The following BCL2L13 variants were observed in gnomAD, a reference collection of about 807,000 sequenced individuals.
The protein encoded by BCL2L13 is BCL2 like 13.
BCL2L13 carries 13 observed loss-of-function variants against 25.8 expected under a neutral mutation model. That is an observed-to-expected ratio of 0.50 (90% confidence interval 0.33 to 0.80). The LOEUF is 0.80. BCL2L13 is among the 30% of genes least tolerant of loss of function. The pLI, the probability that BCL2L13 is intolerant of heterozygous loss-of-function variation, is 0.02. For synonymous variants in BCL2L13, 244 were observed against 230.3 expected (o/e 1.06, Z -0.54); for missense variants, 504 against 574.9 (o/e 0.88, Z 1.26).
At chr22:17,663,507 TTTA>T (rs1459701773) in intron 2 of BCL2L13, among the ~76,000 whole-genome samples, 1 of 152,138 alleles carries the variant, frequency 6.6e-6, no homozygotes, top group Admixed American at 6.6e-5. Flanking sequence ...CTGTTTTTCT[TTTA>T]TTGTTTTCTA....
chr22:17,692,979 C>T (rs1255609565), intron 4 of BCL2L13, among the ~76,000 whole-genome samples: 3 of 151,974 alleles, frequency 2.0e-5, no homozygotes, highest in Non-Finnish European at 4.4e-5. Context: ...AGCACACTGG[C>T]CACGTTTCTA....
chr22:17,728,452 G>C lies in BCL2L13; in HGVS notation c.*918G>C, dbSNP rs1443399400. 6.6e-6 allele frequency: 1 copy of C among 152,214 alleles called. No individual in the cohort carries two copies. Among genetic ancestry groups the C allele is most frequent in the Admixed American group, 6.5e-5 (1 of 15,284 alleles). The allele number at this position is 152,214 out of a possible 1,614,324, so 9.4% of individuals were successfully genotyped here. A position where few individuals can be genotyped will look rare whatever the true frequency, so the allele number is the denominator to read the frequency against. On this transcript the variant is annotated 3_prime_UTR_variant, in exon 7 of 7. Transcript: ENST00000317582. ...AGGAGGATAACCTGGATGACCTTCT[G>C]AGGTCTCTTCAGCCCTTTTCGCTAG...
intron 2 of BCL2L13, among the ~76,000 whole-genome samples, chr22:17,674,357 C>T (rs999870704): frequency 2.6e-5 from 4 of 152,028 alleles, no homozygotes; most frequent in Non-Finnish European, 2.9e-5. Context: ...CAGTGGCTTA[C>T]GCACTTTGGG....
At chr22:17,722,378 G>GCGTGTGTGTGT (rs1491171137) in intron 6 of BCL2L13, among the ~76,000 whole-genome samples, 2,555 of 122,108 alleles carry the variant, frequency 0.021, 68 homozygotes, top group Non-Finnish European at 0.026. Context: ...AGACTACAGG[G>GCGTGTGTGTGT]GTGTGTGTGT....
intron 1 of BCL2L13, among the ~76,000 whole-genome samples, chr22:17,655,018 A>C (rs200490619): frequency 1.3e-5 from 2 of 152,062 alleles, no homozygotes. Context: ...GCCACCATGC[A>C]TTGCCTGTAT....
chr22:17,629,827 A>G (rs1455896831), intron 1 of BCL2L13, among the ~76,000 whole-genome samples: 2 of 151,214 alleles, frequency 1.3e-5, no homozygotes, highest in African/African-American at 4.9e-5. Flanking sequence ...ATACACACAC[A>G]CACACACACA....
intron 6 of BCL2L13, among the ~76,000 whole-genome samples, chr22:17,704,575 A>T (rs1022195462): frequency 3.0e-4 from 45 of 151,902 alleles, no homozygotes; most frequent in African/African-American, 9.9e-4. Flanking sequence ...CAGGAGTTTG[A>T]GACCATCCTG....
chr22:17,677,176 AT>A (rs1268531618), intron 2 of BCL2L13, among the ~76,000 whole-genome samples: 7 of 152,204 alleles, frequency 4.6e-5, no homozygotes, highest in Non-Finnish European at 7.3e-5. Context: ...AAATAAAAAA[AT>A]AAAAGGATTT....
At chr22:17,698,159 G>A (rs1480651423) in intron 5 of BCL2L13, among the ~76,000 whole-genome samples, 5 of 151,830 alleles carry the variant, frequency 3.3e-5, no homozygotes, top group African/African-American at 1.2e-4. Context: ...GTCCAGGCCT[G>A]GAGTGCATTG....
intron 1 of BCL2L13, among the ~76,000 whole-genome samples, chr22:17,653,466 A>C (rs2058752329): frequency 6.8e-6 from 1 of 147,828 alleles, no homozygotes; most frequent in Admixed American, 6.8e-5. Context: ...TCTACTCTTC[A>C]GTCTGTCTTC....
intron 2 of BCL2L13, among the ~76,000 whole-genome samples, chr22:17,665,653 G>A (rs901193766): frequency 6.6e-6 from 1 of 152,118 alleles, no homozygotes; most frequent in African/African-American, 2.4e-5. Context: ...TTTGCACAAT[G>A]TTTTCAAGAT....
chr22:17,705,003 T>C (rs1166634007), intron 6 of BCL2L13, among the ~76,000 whole-genome samples: 1 of 147,058 alleles, frequency 6.8e-6, no homozygotes, highest in East Asian at 2.0e-4. Flanking sequence ...AAAAAAAAAG[T>C]ATAGGAGAAA....
intron 6 of BCL2L13, among the ~76,000 whole-genome samples, chr22:17,724,042 G>A (rs2061228550): frequency 6.6e-6 from 1 of 152,198 alleles, no homozygotes; most frequent in South Asian, 2.1e-4. Flanking sequence ...GGACACTGAG[G>A]TGGGAGAATT....
chr22:17,657,027 C>T (rs953966265), intron 2 of BCL2L13, among the ~76,000 whole-genome samples: 1 of 152,136 alleles, frequency 6.6e-6, no homozygotes, highest in African/African-American at 2.4e-5. Flanking sequence ...CCCTGTTTCC[C>T]AGGCTGATCT....
At chr22:17,698,111 T>C (rs2060319255) in intron 5 of BCL2L13, among the ~76,000 whole-genome samples, 1 of 151,360 alleles carries the variant, frequency 6.6e-6, no homozygotes, top group South Asian at 2.1e-4. Flanking sequence ...CCACTGTGCC[T>C]GGCCTTTTTT....
At chr22:17,669,811 C>T (rs2059359339) in intron 2 of BCL2L13, among the ~76,000 whole-genome samples, 2 of 152,182 alleles carry the variant, frequency 1.3e-5, no homozygotes, top group Admixed American at 6.6e-5. Flanking sequence ...TCAGCCCCCT[C>T]GCCATGTAAT....
At chr22:17,719,384 C>T (rs5992804) in intron 6 of BCL2L13, among the ~76,000 whole-genome samples, 14,121 of 151,874 alleles carry the variant, frequency 0.093, 768 homozygotes, top group Non-Finnish European at 0.11. Flanking sequence ...AATAATTTGA[C>T]GTAAAATTAC....
intron 1 of BCL2L13, among the ~76,000 whole-genome samples, chr22:17,655,226 A>G (rs992575147): frequency 6.6e-6 from 1 of 151,520 alleles, no homozygotes; most frequent in African/African-American, 2.4e-5. Context: ...ACACCCATGG[A>G]GTTGACATTT....
At chr22:17,643,995 G>A (rs1263541223) in intron 1 of BCL2L13, among the ~76,000 whole-genome samples, 8 of 151,302 alleles carry the variant, frequency 5.3e-5, no homozygotes, top group African/African-American at 1.5e-4. Flanking sequence ...TGCAAACTCC[G>A]CTTCCTGGGC....
Sources: allele counts gnomAD v4.1 joint callset (sites outside exome capture counted in the v4.1 genomes callset), GRCh38; gene constraint gnomAD v4.1.1; transcripts MANE v1.5; gene names NCBI Gene and HGNC (gene_info 2026-07-23, HGNC 2026-07-21).